DNAH5: variants seen among roughly 807,000 people sequenced by gnomAD.
The protein encoded by DNAH5 is axonemal beta dynein heavy chain 5.
In DNAH5, 372 loss-of-function variants were observed where a neutral mutation model predicts 518.2. That is an observed-to-expected ratio of 0.72 (90% CI 0.66 to 0.78). DNAH5 has a LOEUF of 0.78. DNAH5 is among the 30% of genes least tolerant of loss of function. The pLI is 0.00. For missense variants in DNAH5, 5,523 were observed against 5,687.0 expected (o/e 0.97, Z 0.93); for synonymous variants, 2,039 against 2,025.9 (o/e 1.01, Z -0.17).
intron 51 of DNAH5, among the ~76,000 whole-genome samples, 196 bp from the exon 52 acceptor site, chr5:13,786,547 G>A (rs1756054878): frequency 6.6e-6 from 1 of 152,158 alleles, no homozygotes; most frequent in Non-Finnish European, 1.5e-5. Flanking sequence ...TGCAGTCTTT[G>A]TTGTTTCCTA....
chr5:13,907,425 T>TC (rs1035453099), intron 12 of DNAH5, among the ~76,000 whole-genome samples: 1 of 151,546 alleles, frequency 6.6e-6, no homozygotes, highest in South Asian at 2.1e-4. Flanking sequence ...TGAAACTCTG[T>TC]CCCCCCGCCA....
Position 13,911,538 on chromosome 5 carries a change from T to C in DNAH5, c.1537-45A>G, listed in dbSNP as rs768524529. ...ATTAGATAATATTTCAATATTCTTA[T>C]ATTACCTAACTAAATATGACCCTTA... On this transcript the variant is annotated intron_variant, in intron 11 of 78. Coordinates refer to ENST00000265104, the MANE Select transcript of DNAH5 (RefSeq NM_001369.3). The C allele has an allele frequency of 3.4e-5, 49 of 1,430,972 alleles. 1 individual carries two copies. The highest frequency in any genetic ancestry group is 1.8e-4 in the Middle Eastern group (1 of 5,502). 88.6% of individuals were successfully genotyped at this position (1,430,972 alleles called of 1,614,324 possible).
chr5:13,892,728 T>A (rs1366539120), intron 16 of DNAH5, among the ~76,000 whole-genome samples: 1 of 152,232 alleles, frequency 6.6e-6, no homozygotes. Flanking sequence ...CTAATTTGAT[T>A]ATGATAACTC....
At chr5:13,700,157 T>C (rs1448811102) in intron 78 of DNAH5, among the ~76,000 whole-genome samples, 1 of 152,190 alleles carries the variant, frequency 6.6e-6, no homozygotes, top group Non-Finnish European at 1.5e-5. Flanking sequence ...GGTTCAAACC[T>C]CCAAGCTGGT....
chr5:13,749,653 C>T (rs1264224909), intron 65 of DNAH5, among the ~76,000 whole-genome samples: 3 of 152,148 alleles, frequency 2.0e-5, no homozygotes, highest in Non-Finnish European at 2.9e-5. Context: ...ATTCAAACTG[C>T]CATCAGGGCC....
At chr5:13,721,348 G>A (rs1196132074) in intron 70 of DNAH5, 103 bp from the exon 71 acceptor site, 6 of 1,395,668 alleles carry the variant, frequency 4.3e-6, no homozygotes, top group Non-Finnish European at 5.0e-6. Flanking sequence ...TCTCAGTGAT[G>A]TCCACAGTAA....
chr5:13,753,027 G>T (rs548770274), intron 63 of DNAH5, among the ~76,000 whole-genome samples: 1 of 152,176 alleles, frequency 6.6e-6, no homozygotes, highest in African/African-American at 2.4e-5. Flanking sequence ...TTGAAAGATG[G>T]CATTGGTAGA....
intron 17 of DNAH5, among the ~76,000 whole-genome samples, chr5:13,890,556 T>C (rs560519905): frequency 6.6e-6 from 1 of 152,280 alleles, no homozygotes; most frequent in East Asian, 1.9e-4. Context: ...GGCTCCAGAA[T>C]TGTGTGCTAT....
rs993038753 is a variant in DNAH5, at chr5:13,900,052, C to T, written c.2259+154G>A. 8 of 695,092 alleles carry T rather than the reference C, an allele frequency of 1.2e-5. No individual in the cohort carries two copies. The Admixed American group carries it at 1.9e-4, about 16-fold the overall frequency. 43.1% of individuals were successfully genotyped at this position (695,092 alleles called of 1,614,324 possible). ...AAGACCTGTAACGGCCTGGCCCCAG[C>T]CAACTCTGCAGCTGCACCCCATGGC... is the stretch of plus-strand genomic sequence containing the variant. On this transcript the variant is annotated intron_variant, in intron 15 of 78. Transcript: ENST00000265104.
intron 54 of DNAH5, 120 bp downstream of exon 54, chr5:13,777,082 T>A: frequency 1.1e-6 from 1 of 944,974 alleles, no homozygotes. Flanking sequence ...TTCATACTGA[T>A]CACTTAATAC....
Position 13,793,783 on chromosome 5 carries a change from T to G in DNAH5, c.8011-55A>C, listed in dbSNP as rs556002053. 7.2e-5 allele frequency: 115 copies of G among 1,588,098 alleles called. 2 individuals carry two copies. In the East Asian group the frequency reaches 2.4e-3, roughly 33 times the overall value. ...ATCATTCCTTTCTATCCCCGGAGCC[T>G]AACTCCTTGAGTGTTTCCAAAGAAA... is the stretch of plus-strand genomic sequence containing the variant. On this transcript the variant is annotated intron_variant, in intron 48 of 78. Transcript: ENST00000265104.
At chr5:13,949,900 G>A (rs1484092743) in intron 1 of DNAH5, among the ~76,000 whole-genome samples, 1 of 152,136 alleles carries the variant, frequency 6.6e-6, no homozygotes, top group Non-Finnish European at 1.5e-5. Flanking sequence ...TGGTTGCTTA[G>A]GTGGCCTCTG....
chr5:13,701,355 T>C lies in DNAH5; in HGVS notation c.13420A>G (p.Asn4474Asp). The C allele has an allele frequency of 6.2e-7, 1 of 1,614,098 alleles. No individual in the cohort carries two copies. Among genetic ancestry groups the C allele is most frequent in the Non-Finnish European group, 8.5e-7 (1 of 1,179,986 alleles). ...RNSQFTSWVFNGRPHCFWMTG... is the reference protein window; with the variant it reads ...RNSQFTSWVFDGRPHCFWMTG... ...ATCCAAAAGCAGTGAGGTCGGCCAT[T>C]GAAAACCCACGAGGTAAACTGGCTG... Residue 4474 changes from asparagine to aspartate, a missense_variant, in exon 77 of 79, where the codon AAT (asparagine) becomes GAT (aspartate). Asn to Asp is a conservative substitution (Grantham distance 23). Around this residue, in one of 3 missense-constraint regions of DNAH5, gnomAD observed 387 missense variants for 430.0 expected, o/e 0.90. Coordinates refer to ENST00000265104, the MANE Select transcript of DNAH5 (RefSeq NM_001369.3).
intron 3 of DNAH5, among the ~76,000 whole-genome samples, chr5:13,924,641 C>T (rs1199205747): frequency 6.7e-6 from 1 of 149,306 alleles, no homozygotes; most frequent in East Asian, 2.0e-4. Flanking sequence ...CACCATTGCA[C>T]TCTAGGCTGA....
At chr5:13,747,617 T>C (rs1161010941) in intron 65 of DNAH5, among the ~76,000 whole-genome samples, 1 of 152,254 alleles carries the variant, frequency 6.6e-6, no homozygotes, top group Non-Finnish European at 1.5e-5. Flanking sequence ...TGGTTTTGAT[T>C]TGCATTTCTC....
chr5:13,703,556 C>G (rs1272068477), intron 76 of DNAH5, among the ~76,000 whole-genome samples: 1 of 152,198 alleles, frequency 6.6e-6, no homozygotes, highest in Non-Finnish European at 1.5e-5. Flanking sequence ...ATTATCTTAT[C>G]TCATGACCCT....
chr5:13,752,209 A>C lies in DNAH5; in HGVS notation c.10953T>G (p.Asp3651Glu). The C allele has an allele frequency of 1.9e-6, 3 of 1,614,062 alleles. No homozygotes were observed. Reference sequence around the variant, plus strand: ...GTGCTGGATCTAGTTCCTCTCCAACATCTTCAATAAGCAAAGGCCTTCCAA... The same window carrying C: ...GTGCTGGATCTAGTTCCTCTCCAACCTCTTCAATAAGCAAAGGCCTTCCAA... ...LSLGRPLLIE[D>E]VGEELDPALD... The change falls in exon 64 of 79, where the codon GAT (aspartate) becomes GAG (glutamate). Residue 3651 changes from aspartate (D) to glutamate (E), a missense_variant. Asp to Glu is a conservative substitution (Grantham distance 45). Around this residue, in one of 3 missense-constraint regions of DNAH5, gnomAD observed 5,121 missense variants for 5,223.3 expected, o/e 0.98. Transcript: ENST00000265104.
chr5:13,714,989 GTTA>G, intron 74 of DNAH5, among the ~76,000 whole-genome samples: 1 of 152,244 alleles, frequency 6.6e-6, no homozygotes, highest in Admixed American at 6.5e-5. Context: ...ATAACTAATG[GTTA>G]TTATGTTTAG....
Position 13,900,351 on chromosome 5 carries a change from T to C in DNAH5, c.2114A>G (p.Glu705Gly). Residue 705 changes from glutamate to glycine, a missense_variant, in exon 15 of 79, where the codon GAA (glutamate) becomes GGA (glycine). Around this residue, in one of 3 missense-constraint regions of DNAH5, gnomAD observed 5,121 missense variants for 5,223.3 expected, o/e 0.98. Transcript: ENST00000265104. ...CTGAGGGTCAAAGTTTACAAACAAT[T>C]CCCCTGTGCCTGGAGCCTTCACCAA... ...SLLVKAPGTGELFVNFDPQIL... is the reference protein window; with the variant it reads ...SLLVKAPGTGGLFVNFDPQIL... 1 of 1,614,072 alleles carries C rather than the reference T, an allele frequency of 6.2e-7. No individual in the cohort carries two copies. The highest frequency in any genetic ancestry group is 8.5e-7 in the Non-Finnish European group (1 of 1,179,996).
Sources: allele counts gnomAD v4.1 joint callset (sites outside exome capture counted in the v4.1 genomes callset), GRCh38; gene constraint gnomAD v4.1.1; regional missense constraint gnomAD v4.1.1; transcripts MANE v1.5; gene names NCBI Gene and HGNC (gene_info 2026-07-23, HGNC 2026-07-21).